The following C3orf49 variants were observed in gnomAD, a reference collection of about 807,000 sequenced individuals.
The protein encoded by C3orf49 is chromosome 3 open reading frame 49.
Under a neutral mutation model 13.3 loss-of-function variants are expected in C3orf49, and 27 were observed. The observed-to-expected ratio is 2.02, with a 90% CI of 1.49 to 2.79. C3orf49 has a LOEUF of 2.79. Among genes scored for constraint, C3orf49 ranks in the 30% most tolerant of loss-of-function variants. The pLI, the probability that C3orf49 is intolerant of heterozygous loss-of-function variation, is 0.00. For missense variants in C3orf49, 242 were observed against 134.2 expected, an observed-to-expected ratio of 1.80 and a Z score of -3.97; for synonymous variants, 87 against 47.6, an observed-to-expected ratio of 1.83 and a Z score of -3.40.
chr3:63,831,295 C>T (rs910225684), intron 4 of C3orf49, 72 bp downstream of exon 4: 1 of 663,890 alleles, frequency 1.5e-6, no homozygotes, highest in African/African-American at 1.8e-5. Flanking sequence ...AACGCACAGC[C>T]CTGCTAGACA....
chr3:63,837,856 T>C (rs1298934119), intron 5 of C3orf49: 4 of 761,006 alleles, frequency 5.3e-6, no homozygotes, highest in Non-Finnish European at 8.1e-6. Context: ...AATTAAAATT[T>C]GGATTTTTTT....
intron 2 of C3orf49, among the ~76,000 whole-genome samples, chr3:63,825,402 A>T (rs929465815): frequency 6.6e-6 from 1 of 152,228 alleles, no homozygotes; most frequent in Non-Finnish European, 1.5e-5. Context: ...TAATACAAGC[A>T]TCCAAGCATC....
At chr3:63,814,728 C>T (rs1311412542), upstream of C3orf49, among the ~76,000 whole-genome samples, 2 of 152,080 alleles carry the variant, frequency 1.3e-5, no homozygotes, top group Admixed American at 1.3e-4. Context: ...GGGTGCCCTT[C>T]TCCTTAGTTC....
chr3:63,836,500 G>C, intron 5 of C3orf49: 1 of 745,248 alleles, frequency 1.3e-6, no homozygotes, highest in Non-Finnish European at 2.2e-6. Context: ...AGTATTGCCA[G>C]TTTTAGTTAA....
chr3:63,785,237 A>AT, the C3orf49 span, among the ~76,000 whole-genome samples: 2 of 150,546 alleles, frequency 1.3e-5, no homozygotes, highest in African/African-American at 4.9e-5. Context: ...ATGCCCGGCC[A>AT]TTTTTTTTGT....
chr3:63,829,050 A>G (rs1304494590), intron 3 of C3orf49, among the ~76,000 whole-genome samples: 1 of 152,240 alleles, frequency 6.6e-6, no homozygotes, highest in Non-Finnish European at 1.5e-5. Flanking sequence ...GCTGTCCTAT[A>G]CAGCACAGAT....
In C3orf49 at chr3:63,827,859, T is replaced by TC. The variant is rs1229906171; in HGVS notation, c.570+136dup. On this transcript the variant is annotated intron_variant, in intron 3 of 6. Transcript: ENST00000295896. ...TTAAATCTGCTGCTTCTGTCTCCTC[T>TC]CCAAGAATTTAGGGTACTCTCTGGG... is the stretch of plus-strand genomic sequence containing the variant. 6.9e-5 allele frequency: 39 copies of TC among 568,632 alleles called. No individual in the cohort carries two copies. The Middle Eastern group carries it at 1.3e-3, about 18-fold the overall frequency. 35.2% of individuals were successfully genotyped at this position (568,632 alleles called of 1,614,324 possible). A position where few individuals can be genotyped will look rare whatever the true frequency, so the allele number is the denominator to read the frequency against.
At chr3:63,788,443 T>G in the C3orf49 span, among the ~76,000 whole-genome samples, 4 of 152,110 alleles carry the variant, frequency 2.6e-5, no homozygotes, top group Admixed American at 2.6e-4. Context: ...GATTAAAGAA[T>G]CTAGGTGGGT....
upstream of C3orf49, among the ~76,000 whole-genome samples, chr3:63,818,180 T>G (rs1454306267): frequency 6.6e-6 from 1 of 152,064 alleles, no homozygotes. Flanking sequence ...GCGGAATTTC[T>G]ATTTCACTTG....
the C3orf49 span, among the ~76,000 whole-genome samples, chr3:63,811,347 A>G: frequency 3.2e-3 from 481 of 151,782 alleles, 3 homozygotes; most frequent in African/African-American, 0.011. Flanking sequence ...TCACGAGGTC[A>G]GGAGATCAAG....
At chr3:63,781,225 A>G in the C3orf49 span, among the ~76,000 whole-genome samples, 1 of 150,860 alleles carries the variant, frequency 6.6e-6, no homozygotes, top group East Asian at 1.9e-4. Context: ...CAGTTTTCCC[A>G]GCACCATTTA....
At chr3:63,797,788 A>G in the C3orf49 span, among the ~76,000 whole-genome samples, 4 of 152,132 alleles carry the variant, frequency 2.6e-5, no homozygotes, top group Non-Finnish European at 5.9e-5. Context: ...CACTTTTTCT[A>G]CATCTCAGAA....
intron 5 of C3orf49, among the ~76,000 whole-genome samples, chr3:63,843,920 T>C (rs891220172): frequency 2.7e-5 from 4 of 149,634 alleles, no homozygotes; most frequent in African/African-American, 9.8e-5. Context: ...AAAACAAAAC[T>C]GTGGATGTGT....
chr3:63,828,825 C>A lies in C3orf49; in HGVS notation c.570+1100C>A, dbSNP rs527452078. ...ACTGAGAGTTTAAGTAATTTGCCCA[C>A]GTAAGTGACAGAGCCAAGTTTCAAA... On this transcript the variant is annotated intron_variant, in intron 3 of 6. Transcript: ENST00000295896. 4.6e-5 allele frequency among the ~76,000 whole-genome samples: 7 copies of A among 152,200 alleles called. No individual in the cohort carries two copies. In the East Asian group the frequency reaches 1.4e-3, roughly 29 times the overall value.
At chr3:63,838,186 A>G in intron 5 of C3orf49, 1 of 997,114 alleles carries the variant, frequency 1.0e-6, no homozygotes, top group Non-Finnish European at 1.5e-6. Context: ...TTTAAAAAAT[A>G]GCTGTAACCC....
intron 1 of C3orf49, among the ~76,000 whole-genome samples, chr3:63,821,981 T>G (rs1701400773): frequency 6.6e-6 from 1 of 152,066 alleles, no homozygotes; most frequent in Non-Finnish European, 1.5e-5. Flanking sequence ...CTTTCTTTTT[T>G]TTTTGTTTTT....
chr3:63,789,548 C>T, the C3orf49 span, among the ~76,000 whole-genome samples: 4 of 152,058 alleles, frequency 2.6e-5, no homozygotes, highest in East Asian at 1.9e-4. Flanking sequence ...CAGTAGCTCA[C>T]GCCTGTAATC....
At chr3:63,834,035 C>A in intron 5 of C3orf49, 1 of 1,257,176 alleles carries the variant, frequency 8.0e-7, no homozygotes, top group Non-Finnish European at 1.1e-6. Context: ...ATTTTACTGC[C>A]AAAACTTTAA....
intron 5 of C3orf49, chr3:63,837,882 C>A (rs745570095): frequency 1.0e-4 from 109 of 1,088,238 alleles, no homozygotes; most frequent in Non-Finnish European, 1.4e-4. Context: ...CAGGTTGATT[C>A]AGGCTGCAGA....
Sources: gnomAD v4.1 joint callset for allele counts (sites outside exome capture counted in the v4.1 genomes callset) on GRCh38, gnomAD v4.1.1 for gene constraint, MANE v1.5 for transcripts, NCBI Gene and HGNC (gene_info 2026-07-23, HGNC 2026-07-21) for gene names.